Variants in NR3C2 observed in about 807,000 individuals in gnomAD.
NR3C2 encodes nuclear receptor subfamily 3 group C member 2.
Under a neutral mutation model 86.4 loss-of-function variants are expected in NR3C2, and 15 were observed. That is an observed-to-expected ratio of 0.17 (90% CI 0.12 to 0.27). The LOEUF (loss-of-function observed/expected upper bound fraction) is 0.27. Ranked by LOEUF, NR3C2 falls within the 10% of genes least tolerant of loss-of-function variation. NR3C2 has a pLI of 1.00. For synonymous variants in NR3C2, 458 were observed against 450.5 expected (o/e 1.02, Z -0.21); for missense variants, 960 against 1,195.6 (o/e 0.80, Z 2.91).
intron 4 of NR3C2, among the ~76,000 whole-genome samples, chr4:148,172,339 A>T (rs1323063590): frequency 2.0e-5 from 3 of 152,142 alleles, no homozygotes; most frequent in African/African-American, 7.2e-5. Context: ...AAGAAGTTCA[A>T]ACAGTACTTA....
chr4:148,090,808 CACAG>C (rs1203540633), intron 8 of NR3C2, among the ~76,000 whole-genome samples: 2 of 152,216 alleles, frequency 1.3e-5, no homozygotes, highest in Non-Finnish European at 2.9e-5. Flanking sequence ...TTCCGTGTTC[CACAG>C]ACAGAGAAAG....
intron 6 of NR3C2, among the ~76,000 whole-genome samples, chr4:148,142,044 G>T (rs1733635157): frequency 6.6e-6 from 1 of 152,144 alleles, no homozygotes; most frequent in Admixed American, 6.5e-5. Flanking sequence ...GAGGGAGAAG[G>T]GAAGTATTAG....
chr4:148,324,538 G>A (rs541127888), intron 2 of NR3C2, among the ~76,000 whole-genome samples: 2 of 152,104 alleles, frequency 1.3e-5, no homozygotes, highest in Non-Finnish European at 2.9e-5. Flanking sequence ...AGAGGAAAAT[G>A]GGGAGTTGTT....
intron 6 of NR3C2, among the ~76,000 whole-genome samples, chr4:148,128,767 C>A (rs992185679): frequency 9.9e-5 from 15 of 152,152 alleles, no homozygotes; most frequent in African/African-American, 3.6e-4. Flanking sequence ...CAAGGTGTTA[C>A]CCCTGAAATT....
At position 148,390,522 on chromosome 4, in the gene NR3C2, C is replaced by T. The variant is rs547746891; in HGVS notation, c.1757+44582G>A. ...GTTCCAGAATCACCTGAAAGGAGGGCAAGGTAGGGCTGCCTAGGGAGACAG... is the reference window on the plus strand; with the variant it reads ...GTTCCAGAATCACCTGAAAGGAGGGTAAGGTAGGGCTGCCTAGGGAGACAG... On this transcript the variant is annotated intron_variant, in intron 2 of 8. Transcript: ENST00000358102. Among the ~76,000 whole-genome samples, 98 of 151,976 alleles carry T rather than the reference C, an allele frequency of 6.4e-4. 1 individual carries two copies. Among genetic ancestry groups the T allele is most frequent in the African/African-American group, 2.3e-3 (95 of 41,460 alleles).
At chr4:148,212,538 T>C (rs1737332809) in intron 3 of NR3C2, among the ~76,000 whole-genome samples, 1 of 152,234 alleles carries the variant, frequency 6.6e-6, no homozygotes, top group Non-Finnish European at 1.5e-5. Context: ...TGTCAATGCC[T>C]TGCCTAGCAG....
intron 2 of NR3C2, among the ~76,000 whole-genome samples, chr4:148,310,068 T>C (rs1483591515): frequency 6.6e-6 from 1 of 152,188 alleles, no homozygotes; most frequent in African/African-American, 2.4e-5. Context: ...ACGATATAAT[T>C]ATTTCATCAT....
Position 148,417,276 on chromosome 4 carries a change from AGTGT to A in NR3C2, c.1757+17824_1757+17827del, listed in dbSNP as rs528869432. Among the ~76,000 whole-genome samples the A allele has an allele frequency of 8.2e-4, 125 of 152,326 alleles. 1 individual carries two copies. Among genetic ancestry groups the A allele is most frequent in the African/African-American group, 2.8e-3 (117 of 41,560 alleles). ...GAATTTTTATATAATCAAAATGTTC[AGTGT>A]ATGTATGCATGTGTGTATGCATGCG... On this transcript the variant is annotated intron_variant, in intron 2 of 8. Transcript: ENST00000358102.
intron 3 of NR3C2, among the ~76,000 whole-genome samples, chr4:148,250,568 A>C (rs1739527893): frequency 6.6e-6 from 1 of 152,202 alleles, no homozygotes; most frequent in African/African-American, 2.4e-5. Context: ...TGCCGTGGAC[A>C]TCTGGCTAAG....
At chr4:148,434,981 AC>A in intron 2 of NR3C2, 122 bp downstream of exon 2, 1 of 924,976 alleles carries the variant, frequency 1.1e-6, no homozygotes, top group East Asian at 2.5e-5. Flanking sequence ...AAGTGGAGCA[AC>A]ATATGACCAT....
At chr4:148,441,744 T>A (rs953156898) in intron 1 of NR3C2, among the ~76,000 whole-genome samples, 3 of 152,242 alleles carry the variant, frequency 2.0e-5, no homozygotes, top group Non-Finnish European at 4.4e-5. Context: ...TCTATTAGGA[T>A]CTATATCTCC....
intron 2 of NR3C2, among the ~76,000 whole-genome samples, chr4:148,412,365 T>C (rs751646200): frequency 8.5e-5 from 13 of 152,256 alleles, no homozygotes; most frequent in South Asian, 6.2e-4. Flanking sequence ...ACAGTGAAAA[T>C]TGGTTAAATT....
chr4:148,180,247 TTTC>T (rs1297454603), intron 4 of NR3C2, among the ~76,000 whole-genome samples: 1 of 151,752 alleles, frequency 6.6e-6, no homozygotes, highest in African/African-American at 2.4e-5. Flanking sequence ...TAAAGCCAAT[TTTC>T]TTCAAGTAAA....
At chr4:148,364,734 TG>T (rs1746022158) in intron 2 of NR3C2, among the ~76,000 whole-genome samples, 2 of 152,176 alleles carry the variant, frequency 1.3e-5, no homozygotes, top group South Asian at 4.1e-4. Flanking sequence ...ATGGCCTGAC[TG>T]TCCAAGGTCA....
chr4:148,426,786 C>T (rs1379564443), intron 2 of NR3C2, among the ~76,000 whole-genome samples: 2 of 152,216 alleles, frequency 1.3e-5, no homozygotes, highest in South Asian at 2.1e-4. Flanking sequence ...TCCACAGGGA[C>T]TCCCTCAATT....
chr4:148,109,750 C>T (rs1041051016), intron 8 of NR3C2, among the ~76,000 whole-genome samples: 9 of 152,188 alleles, frequency 5.9e-5, no homozygotes, highest in African/African-American at 1.9e-4. Flanking sequence ...TCCTCTGCAG[C>T]ACTGTCTATA....
intron 2 of NR3C2, among the ~76,000 whole-genome samples, chr4:148,301,321 T>C (rs990749583): frequency 2.0e-5 from 3 of 152,210 alleles, no homozygotes; most frequent in African/African-American, 4.8e-5. Flanking sequence ...TTCTGGCCCA[T>C]GGGTCTTTAA....
chr4:148,089,990 AGGACGAGT>A (rs1431861730), intron 8 of NR3C2, among the ~76,000 whole-genome samples: 1 of 152,206 alleles, frequency 6.6e-6, no homozygotes, highest in East Asian at 1.9e-4. Context: ...AACCACCACA[AGGACGAGT>A]GTCTGGTGGC....
At chr4:148,166,121 A>C (rs546226614) in intron 4 of NR3C2, among the ~76,000 whole-genome samples, 25 of 152,370 alleles carry the variant, frequency 1.6e-4, no homozygotes, top group African/African-American at 6.0e-4. Context: ...CTTCAAAAAA[A>C]AGTTATTTTT....
Sources: gnomAD v4.1 joint callset for allele counts (sites outside exome capture counted in the v4.1 genomes callset) on GRCh38, gnomAD v4.1.1 for gene constraint, MANE v1.5 for transcripts, NCBI Gene and HGNC (gene_info 2026-07-23, HGNC 2026-07-21) for gene names.